SAMMSON: variants seen among roughly 807,000 people sequenced by gnomAD.
SAMMSON encodes the protein survival associated mitochondrial melanoma specific oncogenic non-coding RNA.
chr3:70,254,152 C>CAAA (rs11375266), intron 6 of SAMMSON, among the ~76,000 whole-genome samples: 26 of 151,804 alleles, frequency 1.7e-4, no homozygotes, highest in Admixed American at 9.8e-4. Flanking sequence ...TCCAATTACA[C>CAAA]AAAAAAAATT....
chr3:70,411,716 C>T (rs1701220789), intron 2 of SAMMSON, among the ~76,000 whole-genome samples: 1 of 152,138 alleles, frequency 6.6e-6, no homozygotes, highest in Non-Finnish European at 1.5e-5. Flanking sequence ...GGCAGTTCCC[C>T]TGCATGCACT....
At chr3:70,285,756 G>A (rs1702155438) in intron 6 of SAMMSON, among the ~76,000 whole-genome samples, 1 of 151,908 alleles carries the variant, frequency 6.6e-6, no homozygotes, top group Non-Finnish European at 1.5e-5. Flanking sequence ...CATTCTAACT[G>A]GTGTGAGATG....
In SAMMSON at chr3:70,073,339, G is replaced by A. The variant is rs145153148; in HGVS notation, n.507+1774G>A. Among the ~76,000 whole-genome samples the A allele has an allele frequency of 2.1e-3, 322 of 152,172 alleles. 2 individuals are homozygous for A. Among genetic ancestry groups the A allele is most frequent in the African/African-American group, 7.5e-3 (312 of 41,542 alleles). ...ACATGAAAAATGAAATATTCAAGCC[G>A]TGGAGAAAAAGAAAATATATTGTTG... On this transcript the variant is annotated intron_variant and non_coding_transcript_variant, in intron 4 of 9. Transcript: ENST00000642114.
intron 9 of SAMMSON, among the ~76,000 whole-genome samples, chr3:70,370,518 TATCTC>T (rs1702959351): frequency 6.6e-6 from 1 of 152,142 alleles, no homozygotes; most frequent in African/African-American, 2.4e-5. Context: ...GGTAAGATGA[TATCTC>T]ATTGTGATTT....
At chr3:70,200,027 T>A (rs952426673) in intron 4 of SAMMSON, among the ~76,000 whole-genome samples, 2 of 152,290 alleles carry the variant, frequency 1.3e-5, no homozygotes, top group South Asian at 4.1e-4. Flanking sequence ...GGCAGAAACC[T>A]GGTAGTCATT....
intron 7 of SAMMSON, among the ~76,000 whole-genome samples, chr3:70,291,666 G>A (rs1444222027): frequency 6.6e-6 from 1 of 152,172 alleles, no homozygotes; most frequent in Non-Finnish European, 1.5e-5. Flanking sequence ...TAACAGATTT[G>A]CTAGCTTTTT....
chr3:70,037,441 C>T (rs993742750), intron 3 of SAMMSON, among the ~76,000 whole-genome samples: 6 of 152,098 alleles, frequency 3.9e-5, no homozygotes, highest in African/African-American at 1.4e-4. Context: ...TCCGCCCCGA[C>T]TACTTTTATC....
intron 4 of SAMMSON, among the ~76,000 whole-genome samples, chr3:70,155,138 T>C (rs2067586773): frequency 6.6e-6 from 1 of 152,034 alleles, no homozygotes; most frequent in Non-Finnish European, 1.5e-5. Flanking sequence ...AATAGGTACC[T>C]ATATCTGCAA....
At chr3:70,282,121 A>G (rs903622741) in intron 6 of SAMMSON, among the ~76,000 whole-genome samples, 2 of 152,096 alleles carry the variant, frequency 1.3e-5, no homozygotes, top group Non-Finnish European at 2.9e-5. Flanking sequence ...TCAGCTGGGG[A>G]AATGGGTCAG....
At chr3:70,356,969 A>C (rs974274776) in intron 8 of SAMMSON, among the ~76,000 whole-genome samples, 9 of 152,178 alleles carry the variant, frequency 5.9e-5, no homozygotes, top group Admixed American at 5.9e-4. Flanking sequence ...ATATTAAGTA[A>C]TTTGCCAAAA....
chr3:70,286,491 G>A (rs1164090464), intron 6 of SAMMSON, among the ~76,000 whole-genome samples: 3 of 151,676 alleles, frequency 2.0e-5, no homozygotes, highest in Non-Finnish European at 2.9e-5. Context: ...GTCAGGTAGT[G>A]TGATGCCTCC....
chr3:70,293,422 A>G (rs1260091280), intron 7 of SAMMSON, among the ~76,000 whole-genome samples: 3 of 152,164 alleles, frequency 2.0e-5, no homozygotes, highest in Non-Finnish European at 2.9e-5. Context: ...AATATCAGCA[A>G]CAACAGAAAT....
intron 6 of SAMMSON, among the ~76,000 whole-genome samples, chr3:70,290,344 T>TG (rs1302496010): frequency 1.3e-5 from 2 of 152,136 alleles, no homozygotes; most frequent in Admixed American, 6.5e-5. Flanking sequence ...GTGCCCCTGT[T>TG]GGGGGGTGCC....
At chr3:70,201,496 G>A (rs543862106) in intron 4 of SAMMSON, among the ~76,000 whole-genome samples, 2 of 152,206 alleles carry the variant, frequency 1.3e-5, no homozygotes, top group East Asian at 3.9e-4. Flanking sequence ...CAAATTTTGT[G>A]CAGGCCTCCA....
chr3:70,196,901 G>A (rs1701186914), intron 4 of SAMMSON: 1 of 398,494 alleles, frequency 2.5e-6, no homozygotes, highest in Non-Finnish European at 4.4e-6. Flanking sequence ...CAAAAGGACT[G>A]CCGGAATGTG....
At chr3:70,079,199 A>G (rs73105911) in intron 4 of SAMMSON, among the ~76,000 whole-genome samples, 2 of 152,178 alleles carry the variant, frequency 1.3e-5, no homozygotes, top group African/African-American at 2.4e-5. Context: ...TGGTTTCTCT[A>G]TGAGTCTCTG....
chr3:70,064,283 A>G (rs1279390905), intron 3 of SAMMSON, among the ~76,000 whole-genome samples: 2 of 152,158 alleles, frequency 1.3e-5, no homozygotes, highest in Non-Finnish European at 2.9e-5. Flanking sequence ...GAATAATGAA[A>G]TATACCAAGT....
At chr3:70,015,240 C>A (rs1299120841) in intron 3 of SAMMSON, 1 of 152,040 alleles carries the variant, frequency 6.6e-6, no homozygotes, top group Admixed American at 6.5e-5. Context: ...AAGATCATGC[C>A]ACTGCACTGC....
At chr3:70,023,947 T>A (rs1418069448) in intron 3 of SAMMSON, among the ~76,000 whole-genome samples, 2 of 152,132 alleles carry the variant, frequency 1.3e-5, no homozygotes, top group African/African-American at 4.8e-5. Context: ...ATGCCCACAG[T>A]TTTTCCTTCT....
Sources: gnomAD v4.1 joint callset for allele counts (sites outside exome capture counted in the v4.1 genomes callset) on GRCh38, gnomAD v4.1.1 for gene constraint, MANE v1.5 for transcripts, NCBI Gene and HGNC (gene_info 2026-07-23, HGNC 2026-07-21) for gene names.